The following SHROOM3 variants were observed in gnomAD, a reference collection of about 807,000 sequenced individuals.
The protein encoded by SHROOM3 is protein Shroom3.
In SHROOM3, 47 loss-of-function variants were observed where a neutral mutation model predicts 138.6. The ratio of observed to expected loss-of-function variants is 0.34; its 90% CI spans 0.27 to 0.43. The LOEUF is 0.43. Ranked by LOEUF, SHROOM3 falls within the 20% of genes least tolerant of loss-of-function variation. The probability of loss-of-function intolerance (pLI) is 1.00; values close to 1 mark genes in which losing one functional copy is unlikely to be tolerated. For missense variants in SHROOM3, 2,491 were observed against 2,596.5 expected (o/e 0.96, Z 0.88); for synonymous variants, 1,062 against 1,063.3 (o/e 1.00, Z 0.02).
intron 2 of SHROOM3, among the ~76,000 whole-genome samples, chr4:76,706,557 G>A (rs1342170326): frequency 6.6e-6 from 1 of 152,134 alleles, no homozygotes; most frequent in African/African-American, 2.4e-5. Context: ...GGATGGGTTG[G>A]TCTTGCTGTC....
chr4:76,599,347 G>A (rs74629468), intron 2 of SHROOM3, among the ~76,000 whole-genome samples: 2 of 152,280 alleles, frequency 1.3e-5, no homozygotes, highest in East Asian at 3.9e-4. Context: ...AAAGGAAACT[G>A]TAGGATCTTT....
intron 1 of SHROOM3, among the ~76,000 whole-genome samples, chr4:76,451,835 T>A (rs1730931780): frequency 6.6e-6 from 1 of 152,202 alleles, no homozygotes; most frequent in African/African-American, 2.4e-5. Flanking sequence ...GAAGAATTTT[T>A]AAAGGTTTTT....
intron 1 of SHROOM3, among the ~76,000 whole-genome samples, chr4:76,515,680 G>GT (rs1425775176): frequency 1.1e-4 from 16 of 152,138 alleles, no homozygotes; most frequent in Non-Finnish European, 4.4e-5. Context: ...TGGGTTTGCA[G>GT]TATCAGTCAG....
At chr4:76,532,198 G>A (rs1234212990) in intron 1 of SHROOM3, 1 of 152,020 alleles carries the variant, frequency 6.6e-6, no homozygotes, top group Non-Finnish European at 1.5e-5. Flanking sequence ...GAGAATGATG[G>A]TTTCCAGCTT....
At chr4:76,702,355 T>A (rs1283563130) in intron 2 of SHROOM3, among the ~76,000 whole-genome samples, 1 of 152,246 alleles carries the variant, frequency 6.6e-6, no homozygotes, top group Non-Finnish European at 1.5e-5. Flanking sequence ...GCACAAATAA[T>A]CTGGTACATA....
intron 2 of SHROOM3, among the ~76,000 whole-genome samples, chr4:76,649,588 T>C (rs1181878821): frequency 1.3e-5 from 2 of 152,222 alleles, no homozygotes; most frequent in Non-Finnish European, 2.9e-5. Flanking sequence ...AACTAGCTTT[T>C]CTTCCAAATT....
At chr4:76,441,195 C>T (rs1254900391) in intron 1 of SHROOM3, among the ~76,000 whole-genome samples, 2 of 145,160 alleles carry the variant, frequency 1.4e-5, no homozygotes, top group African/African-American at 5.0e-5. Context: ...CCTGGGTTCA[C>T]GCCATTCTCC....
At chr4:76,735,904 T>TATA (rs1560606354) in intron 4 of SHROOM3, among the ~76,000 whole-genome samples, 5 of 132,362 alleles carry the variant, frequency 3.8e-5, no homozygotes, top group Admixed American at 7.8e-5. Flanking sequence ...TATATATATA[T>TATA]TTTAGTGATG....
chr4:76,675,578 C>G (rs1377509455), intron 2 of SHROOM3, among the ~76,000 whole-genome samples: 1 of 152,124 alleles, frequency 6.6e-6, no homozygotes, highest in Non-Finnish European at 1.5e-5. Flanking sequence ...TAAGTAGAGG[C>G]CAGGCGCGAT....
At chr4:76,672,604 G>A (rs755555120) in intron 2 of SHROOM3, among the ~76,000 whole-genome samples, 1 of 151,842 alleles carries the variant, frequency 6.6e-6, no homozygotes. Context: ...ACCAAGTCTC[G>A]CTCTGTCACC....
intron 1 of SHROOM3, among the ~76,000 whole-genome samples, chr4:76,469,512 A>G (rs923714774): frequency 6.6e-6 from 1 of 151,814 alleles, no homozygotes; most frequent in African/African-American, 2.4e-5. Context: ...GCTGGAGTAC[A>G]GTGGCGCAAT....
intron 1 of SHROOM3, among the ~76,000 whole-genome samples, chr4:76,464,182 G>T (rs866482559): frequency 6.6e-6 from 1 of 152,236 alleles, no homozygotes; most frequent in Non-Finnish European, 1.5e-5. Context: ...CCACAGGGGT[G>T]GAGCCACCTA....
At chr4:76,651,420 A>G (rs1412057907) in intron 2 of SHROOM3, among the ~76,000 whole-genome samples, 2 of 91,578 alleles carry the variant, frequency 2.2e-5, no homozygotes, top group South Asian at 6.5e-4. Flanking sequence ...ATATATATAT[A>G]TATATATATA....
At chr4:76,668,086 C>A (rs1490248478) in intron 2 of SHROOM3, among the ~76,000 whole-genome samples, 10 of 151,928 alleles carry the variant, frequency 6.6e-5, no homozygotes, top group Admixed American at 6.6e-4. Flanking sequence ...TCCTGCAGCT[C>A]CTGGTGCTGC....
At chr4:76,642,417 T>A (rs1310178660) in intron 2 of SHROOM3, among the ~76,000 whole-genome samples, 1 of 152,182 alleles carries the variant, frequency 6.6e-6, no homozygotes, top group East Asian at 1.9e-4. Context: ...GTGATTGGAT[T>A]TGAATGGTTG....
At chr4:76,645,911 G>T (rs1735803520) in intron 2 of SHROOM3, among the ~76,000 whole-genome samples, 1 of 152,044 alleles carries the variant, frequency 6.6e-6, no homozygotes, top group Admixed American at 6.6e-5. Context: ...CATCTTCATA[G>T]AACTTCAGGG....
rs750686319 is a variant in SHROOM3, at chr4:76,770,649, C to G, written c.5373C>G (p.Thr1791=). 6.2e-7 allele frequency: 1 copy of G among 1,614,158 alleles called. No individual in the cohort carries two copies. Among genetic ancestry groups the G allele is most frequent in the Non-Finnish European group, 8.5e-7 (1 of 1,180,042 alleles). Residue 1791 remains threonine (T), a synonymous_variant, in exon 10 of 11, where the codon ACC becomes ACG. Transcript: ENST00000296043. ...EKKAELIGSL[T]HKLETLQEAK... ...AGGCTGAGCTCATTGGAAGTCTCACCCACAAGCTGGAGACCCTCCAGGAGG... is the reference window on the plus strand; with the variant it reads ...AGGCTGAGCTCATTGGAAGTCTCACGCACAAGCTGGAGACCCTCCAGGAGG...
chr4:76,453,259 T>G (rs1333869530), intron 1 of SHROOM3, among the ~76,000 whole-genome samples: 2 of 151,550 alleles, frequency 1.3e-5, no homozygotes, highest in Non-Finnish European at 2.9e-5. Flanking sequence ...TTTTCTATCT[T>G]AATTTTTCTC....
intron 2 of SHROOM3, among the ~76,000 whole-genome samples, chr4:76,566,893 A>G (rs1373644729): frequency 6.6e-6 from 1 of 152,228 alleles, no homozygotes; most frequent in Non-Finnish European, 1.5e-5. Flanking sequence ...GAAGAGCCTC[A>G]TTAGTCGTTG....
Sources: allele counts gnomAD v4.1 joint callset (sites outside exome capture counted in the v4.1 genomes callset), GRCh38; gene constraint gnomAD v4.1.1; transcripts MANE v1.5; gene names NCBI Gene and HGNC (gene_info 2026-07-23, HGNC 2026-07-21).